The following CIITA variants were observed in gnomAD, a reference collection of about 807,000 sequenced individuals.
CIITA encodes the protein MHC class II transactivator.
Under a neutral mutation model 115.1 loss-of-function variants are expected in CIITA, and 72 were observed. That is an observed-to-expected ratio of 0.63 (90% CI 0.52 to 0.76). CIITA has a LOEUF of 0.76. CIITA is among the 30% of genes least tolerant of loss of function. The probability of loss-of-function intolerance (pLI) is 0.00; values close to 1 mark genes in which losing one functional copy is unlikely to be tolerated. For missense variants in CIITA, 1,617 were observed against 1,463.8 expected, an observed-to-expected ratio of 1.10 and a Z score of -1.71; for synonymous variants, 763 against 635.6, an observed-to-expected ratio of 1.20 and a Z score of -3.02.
intron 10 of CIITA, among the ~76,000 whole-genome samples, chr16:10,905,099 G>T (rs563034350): frequency 3.9e-5 from 6 of 152,350 alleles, no homozygotes; most frequent in African/African-American, 1.4e-4. Context: ...GAATGATGAA[G>T]TGAGTGAGTG....
chr16:10,939,596 G>A (rs1237277429), downstream of CIITA: 1 of 152,184 alleles, frequency 6.6e-6, no homozygotes, highest in Admixed American at 6.5e-5. The surrounding 1 kb of genome is among the most constrained non-coding windows in gnomAD (Gnocchi z 4.9). Flanking sequence ...ATCAAATTAA[G>A]GCTCAGCTCA....
intron 1 of CIITA, among the ~76,000 whole-genome samples, chr16:10,890,889 C>T (rs1449828300): frequency 3.9e-5 from 6 of 152,160 alleles, no homozygotes; most frequent in African/African-American, 1.4e-4. Context: ...TTATTATTCG[C>T]ATTTTATAGA....
At chr16:10,866,340 C>G (rs762749204) in intron 1 of CIITA, 14 of 568,900 alleles carry the variant, frequency 2.5e-5, no homozygotes, top group Non-Finnish European at 3.4e-5. Context: ...TGCTCTCCAG[C>G]CATCAGCCCA....
rs2039269979 is a variant in CIITA, at chr16:10,907,683, A to C, written c.2191A>C (p.Lys731Gln). 6.2e-7 allele frequency: 1 copy of C among 1,614,062 alleles called. No homozygotes were observed. Among genetic ancestry groups the C allele is most frequent in the Non-Finnish European group, 8.5e-7 (1 of 1,180,018 alleles). ...WLALSGEIKD[K>Q]ELPQYLALTP... ...GGCTCTGAGTGGCGAAATCAAGGAC[A>C]AGGAGCTCCCGCAGTACCTAGCATT... Residue 731 changes from lysine to glutamine, a missense_variant, in exon 11 of 20, where the codon AAG becomes CAG. Lys to Gln is a moderately conservative substitution (Grantham distance 53, BLOSUM62 1). Transcript: ENST00000324288. The surrounding 1 kb of genome is among the most constrained non-coding windows in gnomAD (Gnocchi z 5.0).
At chr16:10,866,701 G>A in intron 1 of CIITA, 1 of 378,372 alleles carries the variant, frequency 2.6e-6, no homozygotes, top group Non-Finnish European at 5.2e-6. Context: ...CTAGTGAGCT[G>A]GCAGGAGCAG....
At chr16:10,899,047 T>C in intron 5 of CIITA, 45 bp downstream of exon 5, 1 of 1,590,816 alleles carries the variant, frequency 6.3e-7, no homozygotes, top group African/African-American at 1.3e-5. Flanking sequence ...GCTTGAGACC[T>C]GGCCTTTCCT....
At chr16:10,874,339 G>T (rs1355014045), upstream of CIITA, among the ~76,000 whole-genome samples, 13 of 152,272 alleles carry the variant, frequency 8.5e-5, no homozygotes, top group Non-Finnish European at 1.8e-4. Flanking sequence ...CAGAGAGGAA[G>T]CCTGGGGTGG....
At chr16:10,895,834 C>A in intron 3 of CIITA, 70 bp downstream of exon 3, 1 of 1,457,736 alleles carries the variant, frequency 6.9e-7, no homozygotes, top group Non-Finnish European at 9.6e-7. Context: ...TTGTCAATAT[C>A]ACCCATTCAT....
intron 1 of CIITA, among the ~76,000 whole-genome samples, chr16:10,891,925 C>A (rs1383512926): frequency 6.6e-6 from 1 of 152,184 alleles, no homozygotes; most frequent in Non-Finnish European, 1.5e-5. Flanking sequence ...ACAAGTGGGC[C>A]CAGCCAGTGC....
intron 12 of CIITA, among the ~76,000 whole-genome samples, chr16:10,909,949 G>C (rs906194713): frequency 6.6e-6 from 1 of 152,110 alleles, no homozygotes; most frequent in African/African-American, 2.4e-5. Flanking sequence ...TGCCCAGGCT[G>C]GTCTTGAACT....
At chr16:10,872,865 G>A (rs1421245667), upstream of CIITA, among the ~76,000 whole-genome samples, 1 of 152,240 alleles carries the variant, frequency 6.6e-6, no homozygotes, top group Non-Finnish European at 1.5e-5. Flanking sequence ...TAACCTAGTA[G>A]GGGAGGAATC....
intron 1 of CIITA, among the ~76,000 whole-genome samples, chr16:10,880,942 G>C (rs978063108): frequency 7.2e-5 from 11 of 152,106 alleles, no homozygotes; most frequent in Non-Finnish European, 1.6e-4. Context: ...TCATGCATTG[G>C]GAATAATTAT....
At position 10,907,487 on chromosome 16, in the gene CIITA, G is replaced by T. The variant is rs1223563119; in HGVS notation, c.1995G>T (p.Trp665Cys). The T allele has an allele frequency of 6.2e-7, 1 of 1,613,816 alleles. No individual in the cohort carries two copies. Among genetic ancestry groups the T allele is most frequent in the Non-Finnish European group, 8.5e-7 (1 of 1,179,980 alleles). Reference protein sequence around the residue: ...GALAELAKLAWELGRRHQSTL... With the variant: ...GALAELAKLACELGRRHQSTL... Reference sequence around the variant, plus strand: ...TGGCAGAGCTGGCCAAGCTGGCCTGGGAGCTGGGCCGCAGACATCAAAGTA... The same window carrying T: ...TGGCAGAGCTGGCCAAGCTGGCCTGTGAGCTGGGCCGCAGACATCAAAGTA... Residue 665 changes from tryptophan (W) to cysteine (C), a missense_variant, in exon 11 of 20, where the codon TGG (tryptophan) becomes TGT (cysteine). By Grantham distance (215) the Trp-to-Cys change is radical. Transcript: ENST00000324288. This position sits in a 1 kb window ranked among gnomAD's most constrained non-coding sequence, Gnocchi z 5.0.
rs752506089 is a variant in CIITA at position 10,922,271 on chromosome 16, G to A, written c.3233+21G>A. On this transcript the variant is annotated intron_variant, in intron 17 of 19. Transcript: ENST00000324288. ...ATGGAGTGAGTGTGGGAGTCTGGGC[G>A]GTGGGTGGCTCAGCCCGGGGTGGGA... The A allele has an allele frequency of 6.8e-5, 110 of 1,612,082 alleles. No homozygotes were observed. In the East Asian group the frequency reaches 1.8e-3, roughly 27 times the overall value.
Position 10,869,377 on chromosome 16 carries a change from T to C in CIITA, c.-21+3058T>C, listed in dbSNP as rs74907761. 1.2e-3 allele frequency among the ~76,000 whole-genome samples: 176 copies of C among 152,306 alleles called. 1 individual carries two copies. Among genetic ancestry groups the C allele is most frequent in the African/African-American group, 4.0e-3 (167 of 41,576 alleles). ...GCCGTTCCCTCTGCCTGGAGCACTG[T>C]TCTCTAAGCATTTTCTTGGTCAACC... is the stretch of plus-strand genomic sequence containing the variant. On this transcript the variant is annotated intron_variant, in intron 1 of 5. Coordinates refer to the CIITA transcript ENST00000636238.
chr16:10,867,628 G>T (rs2143157059), intron 1 of CIITA, among the ~76,000 whole-genome samples: 1 of 152,194 alleles, frequency 6.6e-6, no homozygotes, highest in African/African-American at 2.4e-5. Context: ...GAGCGTTGGT[G>T]GCACACAATC....
rs764680545 is a variant in CIITA at position 10,902,153 on chromosome 16, G to C, written c.597G>C (p.Gln199His). The C allele has an allele frequency of 6.2e-7, 1 of 1,614,184 alleles. No homozygotes were observed. Among genetic ancestry groups the C allele is most frequent in the Admixed American group, 1.7e-5 (1 of 60,032 alleles). ...TCAACCAGGAGCCAGCCTCCGGCCAGATGCGCCTGGAGAAAACCGACCAGA... is the reference window on the plus strand; with the variant it reads ...TCAACCAGGAGCCAGCCTCCGGCCACATGCGCCTGGAGAAAACCGACCAGA... ...ALFNQEPASGQMRLEKTDQIP... is the reference protein window; with the variant it reads ...ALFNQEPASGHMRLEKTDQIP... Residue 199 changes from glutamine (Q) to histidine (H), a missense_variant, in exon 7 of 20, where the codon CAG becomes CAC. Transcript: ENST00000324288.
intron 8 of CIITA, 98 bp from the exon 9 acceptor site, chr16:10,903,633 C>T: frequency 7.7e-6 from 10 of 1,302,424 alleles, no homozygotes; most frequent in Non-Finnish European, 1.1e-5. Flanking sequence ...CTCCAGACTT[C>T]CTGAGCTCCA....
intron 1 of CIITA, among the ~76,000 whole-genome samples, chr16:10,894,143 C>A (rs549469027): frequency 6.6e-6 from 1 of 152,194 alleles, no homozygotes; most frequent in Admixed American, 6.5e-5. Flanking sequence ...TGAGCCACCA[C>A]GCCCCACCCC....
Sources: allele counts gnomAD v4.1 joint callset (sites outside exome capture counted in the v4.1 genomes callset), GRCh38; gene constraint gnomAD v4.1.1; non-coding constraint Gnocchi (gnomAD v3.1); transcripts MANE v1.5; gene names NCBI Gene and HGNC (gene_info 2026-07-23, HGNC 2026-07-21).